SLC25A33: variants seen among roughly 807,000 people sequenced by gnomAD.
SLC25A33 encodes the protein bone marrow stromal cell mitochondrial carrier protein.
Under a neutral mutation model 35.5 loss-of-function variants are expected in SLC25A33, and 15 were observed. The observed-to-expected ratio is 0.42, with a 90% confidence interval of 0.28 to 0.65. SLC25A33 has a LOEUF of 0.65. SLC25A33 is among the 30% of genes least tolerant of loss of function. SLC25A33 has a pLI of 0.20. For synonymous variants in SLC25A33, 136 were observed against 148.7 expected, an observed-to-expected ratio of 0.91 and a Z score of 0.62; for missense variants, 257 against 398.5, an observed-to-expected ratio of 0.64 and a Z score of 3.02.
intron 1 of SLC25A33, among the ~76,000 whole-genome samples, chr1:9,546,289 A>C (rs1219994519): frequency 7.1e-6 from 1 of 140,632 alleles, no homozygotes; most frequent in Non-Finnish European, 1.5e-5. Context: ...GGTTCACGCC[A>C]TTCTCCTGCT....
intron 4 of SLC25A33, 26 bp downstream of exon 4, chr1:9,570,384 A>C: frequency 6.3e-7 from 1 of 1,576,608 alleles, no homozygotes; most frequent in South Asian, 1.1e-5. Flanking sequence ...GAGTGAAGAG[A>C]GGGTCTCTCT....
At chr1:9,561,298 C>T (rs889412913) in intron 2 of SLC25A33, among the ~76,000 whole-genome samples, 2 of 152,036 alleles carry the variant, frequency 1.3e-5, no homozygotes, top group African/African-American at 4.8e-5. Flanking sequence ...TTAGTGATCT[C>T]CTATCTTATC....
intron 6 of SLC25A33, among the ~76,000 whole-genome samples, chr1:9,580,997 A>T (rs1456654920): frequency 6.6e-6 from 1 of 152,178 alleles, no homozygotes; most frequent in Non-Finnish European, 1.5e-5. Context: ...ATTTTAAAAA[A>T]TGCTTAGTTT....
intron 6 of SLC25A33, 140 bp downstream of exon 6, chr1:9,580,374 T>TGTCCATGCGGTTAG: frequency 2.8e-6 from 3 of 1,089,040 alleles, no homozygotes; most frequent in Non-Finnish European, 4.0e-6. Context: ...GAAACAGCTC[T>TGTCCATGCGGTTAG]AACCGCATGG....
intron 1 of SLC25A33, among the ~76,000 whole-genome samples, chr1:9,540,174 G>A (rs1369569080): frequency 6.6e-6 from 1 of 152,106 alleles, no homozygotes; most frequent in Non-Finnish European, 1.5e-5. Flanking sequence ...GGGTGTGCCC[G>A]AGGTTCCTCA....
chr1:9,557,650 G>A (rs1189733952), intron 2 of SLC25A33, among the ~76,000 whole-genome samples: 2 of 152,156 alleles, frequency 1.3e-5, no homozygotes, highest in Non-Finnish European at 2.9e-5. Flanking sequence ...TCTCTCAAAC[G>A]GATTCTTGGG....
At chr1:9,545,229 T>A (rs1643150149) in intron 1 of SLC25A33, among the ~76,000 whole-genome samples, 1 of 152,076 alleles carries the variant, frequency 6.6e-6, no homozygotes, top group South Asian at 2.1e-4. Flanking sequence ...GTTTGTTTGT[T>A]TTTGAGACGG....
At chr1:9,567,008 A>G (rs945454500) in intron 2 of SLC25A33, among the ~76,000 whole-genome samples, 1 of 152,222 alleles carries the variant, frequency 6.6e-6, no homozygotes, top group Admixed American at 6.5e-5. Context: ...AGCCTGGGCA[A>G]CAGAGCGAGA....
At chr1:9,547,505 G>A (rs1027865068) in intron 1 of SLC25A33, among the ~76,000 whole-genome samples, 1 of 152,110 alleles carries the variant, frequency 6.6e-6, no homozygotes, top group African/African-American at 2.4e-5. Flanking sequence ...AGAGAGGGAT[G>A]GATGCTGGGG....
intron 4 of SLC25A33, among the ~76,000 whole-genome samples, chr1:9,572,493 C>T (rs888840987): frequency 2.6e-5 from 4 of 151,980 alleles, no homozygotes; most frequent in Non-Finnish European, 5.9e-5. Flanking sequence ...TGGCGGGCAC[C>T]TGTAGTCCCA....
At position 9,559,538 on chromosome 1, in the gene SLC25A33, C is replaced by CA. The variant is rs142510122; in HGVS notation, c.236+5743dup. 6.0e-3 allele frequency among the ~76,000 whole-genome samples: 812 copies of CA among 135,228 alleles called. 4 individuals carry two copies. Among genetic ancestry groups the CA allele is most frequent in the South Asian group, 0.014 (60 of 4,260 alleles). 88.7% of individuals were successfully genotyped at this position (135,228 alleles called of 152,430 possible). A position where few individuals can be genotyped will look rare whatever the true frequency, so the allele number is the denominator to read the frequency against. On this transcript the variant is annotated intron_variant, in intron 2 of 6. Transcript: ENST00000302692. ...AAAGTCTTTTATCTCTTAATAGAGG[C>CA]AAAAAAAAAAGGTGGGGGGGAATAT...
At chr1:9,549,659 C>T (rs906317666) in intron 1 of SLC25A33, among the ~76,000 whole-genome samples, 49 of 147,146 alleles carry the variant, frequency 3.3e-4, no homozygotes, top group African/African-American at 1.1e-3. Flanking sequence ...CTTGCTCTGT[C>T]GCTCAGGCTG....
chr1:9,540,651 G>T (rs758441264), intron 1 of SLC25A33, among the ~76,000 whole-genome samples: 1 of 152,120 alleles, frequency 6.6e-6, no homozygotes, highest in African/African-American at 2.4e-5. Flanking sequence ...GTATTAATTT[G>T]AGGACCTCAT....
intron 1 of SLC25A33, among the ~76,000 whole-genome samples, chr1:9,552,224 AT>A (rs796523623): frequency 3.0e-4 from 44 of 148,228 alleles, no homozygotes; most frequent in Non-Finnish European, 4.4e-4. Context: ...GATTAATCAG[AT>A]TTTTTTTTTT....
chr1:9,554,330 T>A (rs1342368035), intron 2 of SLC25A33, among the ~76,000 whole-genome samples: 7 of 151,918 alleles, frequency 4.6e-5, no homozygotes, highest in Non-Finnish European at 8.8e-5. Context: ...CTCCCAGCCG[T>A]GAATATTTTT....
intron 2 of SLC25A33, among the ~76,000 whole-genome samples, chr1:9,557,284 C>T (rs1039167525): frequency 6.6e-6 from 1 of 152,116 alleles, no homozygotes; most frequent in African/African-American, 2.4e-5. Flanking sequence ...TAAACAATGG[C>T]GTTAGTAAGT....
At chr1:9,554,522 G>A (rs1643313922) in intron 2 of SLC25A33, among the ~76,000 whole-genome samples, 1 of 151,914 alleles carries the variant, frequency 6.6e-6, no homozygotes, top group African/African-American at 2.4e-5. Context: ...ACCATGCCCG[G>A]CTAATTTTGT....
At chr1:9,577,852 T>C (rs1643684325) in intron 5 of SLC25A33, among the ~76,000 whole-genome samples, 1 of 152,200 alleles carries the variant, frequency 6.6e-6, no homozygotes, top group Non-Finnish European at 1.5e-5. Context: ...ACAAGGCACA[T>C]GACAGCCTGC....
intron 5 of SLC25A33, among the ~76,000 whole-genome samples, chr1:9,575,219 A>C (rs1643645030): frequency 1.4e-5 from 2 of 139,372 alleles, no homozygotes; most frequent in African/African-American, 5.0e-5. Context: ...GCTCAAAAAA[A>C]AAAAAAAAAA....
Sources: allele counts gnomAD v4.1 joint callset (sites outside exome capture counted in the v4.1 genomes callset), GRCh38; gene constraint gnomAD v4.1.1; transcripts MANE v1.5; gene names NCBI Gene and HGNC (gene_info 2026-07-23, HGNC 2026-07-21).